Variants in ANTXR2 observed in about 807,000 individuals in gnomAD.
ANTXR2 encodes ANTXR cell adhesion molecule 2.
A neutral mutation model predicts 73.7 loss-of-function variants in ANTXR2; 44 were observed. The ratio of observed to expected loss-of-function variants is 0.60; its 90% CI spans 0.47 to 0.77. The LOEUF (loss-of-function observed/expected upper bound fraction) is 0.77. ANTXR2 is among the 30% of genes least tolerant of loss of function. ANTXR2 has a pLI of 0.00. For missense variants in ANTXR2, 604 were observed against 592.5 expected (o/e 1.02, Z -0.20); for synonymous variants, 217 against 205.9 (o/e 1.05, Z -0.46).
intron 16 of ANTXR2, among the ~76,000 whole-genome samples, chr4:79,951,520 G>A (rs1292903750): frequency 2.6e-5 from 4 of 151,882 alleles, no homozygotes; most frequent in African/African-American, 9.7e-5. Context: ...AGGTTGCAGT[G>A]AGCCAAGATA....
At chr4:79,983,678 T>C (rs1235444754) in intron 14 of ANTXR2, among the ~76,000 whole-genome samples, 200 bp downstream of exon 14, 1 of 152,112 alleles carries the variant, frequency 6.6e-6, no homozygotes, top group African/African-American at 2.4e-5. Flanking sequence ...CTTTGACTAA[T>C]GAAACCAGTT....
rs72653288 is a variant in ANTXR2, at chr4:79,984,837, G to C, written c.1068C>G (p.Pro356=). 5.8e-4 allele frequency: 930 copies of C among 1,605,700 alleles called. 10 individuals are homozygous for C. In the East Asian group the frequency reaches 0.017, roughly 29 times the overall value. ...KVVIKDPPPP[P]APAPKEEEEE... is the part of the protein sequence containing the mutation. ...CACTTACCTCTTTTGGTGCAGGGGC[G>C]GGTGGTGGTGGAGGATCCTTAATAA... The change falls in exon 13 of 17, where the codon CCC becomes CCG. Residue 356 remains proline (P), a synonymous_variant. Transcript: ENST00000403729.
At chr4:80,054,638 G>A (rs182194742) in intron 6 of ANTXR2, among the ~76,000 whole-genome samples, 60 of 151,718 alleles carry the variant, frequency 4.0e-4, no homozygotes, top group African/African-American at 1.3e-3. Context: ...GCGTGACTCA[G>A]GAGTCTAAGC....
At chr4:80,024,495 T>C in intron 10 of ANTXR2, 1 of 252,418 alleles carries the variant, frequency 4.0e-6, no homozygotes, top group South Asian at 3.7e-5. Flanking sequence ...ACACTGTGGC[T>C]CATGCCTGTA....
intron 16 of ANTXR2, among the ~76,000 whole-genome samples, chr4:79,961,961 T>C (rs1729161407): frequency 6.6e-6 from 1 of 152,110 alleles, no homozygotes; most frequent in South Asian, 2.1e-4. Context: ...AATGCCTATA[T>C]GGGGAGGGGA....
chr4:80,001,878 C>CT (rs907235208), intron 12 of ANTXR2, among the ~76,000 whole-genome samples: 3 of 151,044 alleles, frequency 2.0e-5, no homozygotes, highest in Admixed American at 1.3e-4. Flanking sequence ...CAACCCCTGC[C>CT]TTTTTTTGTT....
chr4:80,072,335 G>T, intron 1 of ANTXR2, 74 bp downstream of exon 1: 13 of 1,435,186 alleles, frequency 9.1e-6, no homozygotes, highest in Non-Finnish European at 1.2e-5. Context: ...GTGCGCACAC[G>T]CATCTCAGCC....
At chr4:80,034,436 A>T (rs1732858326) in intron 8 of ANTXR2, among the ~76,000 whole-genome samples, 1 of 152,104 alleles carries the variant, frequency 6.6e-6, no homozygotes, top group African/African-American at 2.4e-5. Context: ...AAATCAGAAG[A>T]GGTTTGGCAG....
chr4:80,015,149 G>A (rs937286410), intron 11 of ANTXR2, among the ~76,000 whole-genome samples: 3 of 152,058 alleles, frequency 2.0e-5, no homozygotes, highest in Non-Finnish European at 2.9e-5. Context: ...GATCACTCAC[G>A]AGATGTGAAG....
intron 12 of ANTXR2, among the ~76,000 whole-genome samples, chr4:80,004,178 A>T (rs1297486707): frequency 6.6e-6 from 1 of 151,972 alleles, no homozygotes; most frequent in African/African-American, 2.4e-5. Context: ...ATGCTGTATG[A>T]TTCCATTTAT....
intron 11 of ANTXR2, among the ~76,000 whole-genome samples, chr4:80,010,340 T>C (rs1731512190): frequency 6.6e-6 from 1 of 152,160 alleles, no homozygotes; most frequent in African/African-American, 2.4e-5. Context: ...GGGAGAAATA[T>C]TGTCAAATGT....
chr4:80,061,284 C>CTGTGTGTGTG (rs60730236), intron 3 of ANTXR2, among the ~76,000 whole-genome samples: 1,860 of 149,166 alleles, frequency 0.012, 39 homozygotes, highest in African/African-American at 0.042. Context: ...GTGTGTGCCT[C>CTGTGTGTGTG]TGTGTGTGTG....
intron 16 of ANTXR2, chr4:79,964,612 AT>A (rs1394622402): frequency 6.6e-6 from 1 of 152,204 alleles, no homozygotes; most frequent in Non-Finnish European, 1.5e-5. Context: ...TAGATCTCTT[AT>A]TTGTGCCTAA....
chr4:79,997,952 TG>T (rs1466764453), intron 12 of ANTXR2, among the ~76,000 whole-genome samples: 1 of 151,950 alleles, frequency 6.6e-6, no homozygotes, highest in Non-Finnish European at 1.5e-5. Flanking sequence ...TTTTAATTAA[TG>T]GTGTAAGGAA....
chr4:80,030,168 T>C (rs977161066), intron 10 of ANTXR2, among the ~76,000 whole-genome samples: 2 of 151,976 alleles, frequency 1.3e-5, no homozygotes, highest in Non-Finnish European at 2.9e-5. Flanking sequence ...AATTTTGAAA[T>C]TAGAGCTAAG....
chr4:79,915,856 C>CTATA lies in ANTXR2; in HGVS notation c.1429-8390_1429-8389insTATA, dbSNP rs1474331161. Among the ~76,000 whole-genome samples the CTATA allele has an allele frequency of 7.2e-3, 810 of 112,200 alleles. 1 individual carries two copies. Among genetic ancestry groups the CTATA allele is most frequent in the Middle Eastern group, 0.021 (4 of 188 alleles). 73.6% of individuals were successfully genotyped at this position (112,200 alleles called of 152,430 possible). A position where few individuals can be genotyped will look rare whatever the true frequency, so the allele number is the denominator to read the frequency against. On this transcript the variant is annotated intron_variant, in intron 16 of 16. Coordinates refer to ENST00000403729, the MANE Select transcript of ANTXR2 (RefSeq NM_058172.6). The stretch of plus-strand genomic sequence containing the variant: ...TCTCTCTCTCTCTCTCTCTCTCTCT[C>CTATA]TCTCTCTATATATATATATATACAT...
chr4:79,960,115 G>A (rs940749245), intron 16 of ANTXR2, among the ~76,000 whole-genome samples: 6 of 152,114 alleles, frequency 3.9e-5, no homozygotes, highest in African/African-American at 1.4e-4. Context: ...GTGTCTGTGT[G>A]TATGTCTCAC....
chr4:79,908,859 G>A (rs1727017899), intron 16 of ANTXR2, among the ~76,000 whole-genome samples: 1 of 152,086 alleles, frequency 6.6e-6, no homozygotes, highest in Admixed American at 6.6e-5. Flanking sequence ...AAGTGAAGAG[G>A]TGCTCTTCTC....
Position 80,069,466 on chromosome 4 carries a change from G to A in ANTXR2, c.266C>T (p.Ala89Val). The change falls in exon 3 of 17, where the codon GCA becomes GTA. Residue 89 changes from alanine (A) to valine (V), a missense_variant. By Grantham distance (64) the Ala-to-Val change is moderately conservative. Coordinates refer to ENST00000403729, the MANE Select transcript of ANTXR2 (RefSeq NM_058172.6). The stretch of plus-strand genomic sequence containing the variant: ...TCCAGTTAATGGCAAAATAATAGTT[G>A]CTTGAGAAGAAAACACAATGAAAGA... Reference protein sequence around the residue: ...RLSFIVFSSQATIILPLTGDR... With the variant: ...RLSFIVFSSQVTIILPLTGDR... 1 of 1,605,708 alleles carries A rather than the reference G, an allele frequency of 6.2e-7. No individual in the cohort carries two copies. Among genetic ancestry groups the A allele is most frequent in the Admixed American group, 1.7e-5 (1 of 59,396 alleles).
Sources: allele counts gnomAD v4.1 joint callset (sites outside exome capture counted in the v4.1 genomes callset), GRCh38; gene constraint gnomAD v4.1.1; transcripts MANE v1.5; gene names NCBI Gene and HGNC (gene_info 2026-07-23, HGNC 2026-07-21).